The following CSMD1 variants were observed in gnomAD, a reference collection of about 807,000 sequenced individuals.
CSMD1 encodes CUB and sushi domain-containing protein 1.
Under a neutral mutation model 417.5 loss-of-function variants are expected in CSMD1, and 213 were observed. The observed-to-expected ratio is 0.51, with a 90% CI of 0.46 to 0.57. The LOEUF (loss-of-function observed/expected upper bound fraction) is 0.57. CSMD1 is among the 20% of genes least tolerant of loss of function. The pLI is 0.00. For missense variants in CSMD1, 6,923 were observed against 4,529.7 expected, an observed-to-expected ratio of 1.53 and a Z score of -15.17; for synonymous variants, 2,862 against 1,736.8, an observed-to-expected ratio of 1.65 and a Z score of -16.11.
chr8:4,986,032 T>C (rs774282052), intron 1 of CSMD1, among the ~76,000 whole-genome samples: 1 of 152,232 alleles, frequency 6.6e-6, no homozygotes, highest in Admixed American at 6.5e-5. Flanking sequence ...AATGCTCGAC[T>C]ATCCCAGCTG....
intron 3 of CSMD1, among the ~76,000 whole-genome samples, chr8:4,408,221 CTCCT>C (rs577800079): frequency 1.1e-3 from 174 of 152,328 alleles, no homozygotes; most frequent in Non-Finnish European, 1.9e-3. Context: ...CAGGCCATTC[CTCCT>C]TCCTTATTGG....
intron 1 of CSMD1, among the ~76,000 whole-genome samples, chr8:4,690,185 G>A (rs948170051): frequency 6.6e-6 from 1 of 152,160 alleles, no homozygotes; most frequent in Non-Finnish European, 1.5e-5. Context: ...TTATTTACAT[G>A]TCAGTGCAGT....
intron 2 of CSMD1, among the ~76,000 whole-genome samples, chr8:4,459,677 G>A (rs960732468): frequency 6.6e-6 from 1 of 152,172 alleles, no homozygotes; most frequent in Non-Finnish European, 1.5e-5. Flanking sequence ...GCAAAGAAGT[G>A]TGGACATAAG....
At chr8:4,752,690 C>T (rs1334489020) in intron 1 of CSMD1, among the ~76,000 whole-genome samples, 4 of 151,808 alleles carry the variant, frequency 2.6e-5, no homozygotes, top group South Asian at 4.1e-4. Context: ...AATGGGATTG[C>T]TCTACACAGG....
Position 2,974,540 on chromosome 8 carries a change from G to C in CSMD1, c.8651C>G (p.Ser2884Cys), listed in dbSNP as rs548432042. 2 of 1,613,590 alleles carry C rather than the reference G, an allele frequency of 1.2e-6. No homozygotes were observed. The highest frequency in any genetic ancestry group is 1.3e-5 in the African/African-American group (1 of 75,070). Reference protein sequence around the residue: ...LFTYGAVVHYSCRGSESLIGN... With the variant: ...LFTYGAVVHYCCRGSESLIGN... ...TATGAGGCTCTCGCTCCCTCTGCAG[G>C]AGTAGTGCACGACGGCGCCATAGGT... The change falls in exon 56 of 70, where the codon TCC becomes TGC. Residue 2884 changes from serine (S) to cysteine (C), a missense_variant. Ser to Cys is a moderately radical substitution (Grantham distance 112, BLOSUM62 -1). Coordinates refer to ENST00000635120, the MANE Select transcript of CSMD1 (RefSeq NM_033225.6).
At chr8:3,989,088 C>A (rs188268974) in intron 5 of CSMD1, among the ~76,000 whole-genome samples, 1 of 152,156 alleles carries the variant, frequency 6.6e-6, no homozygotes, top group South Asian at 2.1e-4. Flanking sequence ...GGCACTGTTT[C>A]TTACAGCAGT....
chr8:4,700,346 A>C (rs1807445416), intron 1 of CSMD1, among the ~76,000 whole-genome samples: 1 of 151,954 alleles, frequency 6.6e-6, no homozygotes, highest in Admixed American at 6.6e-5. Context: ...TATTTATAAT[A>C]CATATTATAA....
chr8:3,854,909 C>G (rs1038996864), intron 5 of CSMD1, among the ~76,000 whole-genome samples: 5 of 152,246 alleles, frequency 3.3e-5, no homozygotes, highest in African/African-American at 1.2e-4. Context: ...ACTCGCAAAG[C>G]ATTTCTAACA....
At chr8:4,060,396 C>T (rs573647072) in intron 3 of CSMD1, among the ~76,000 whole-genome samples, 1 of 152,162 alleles carries the variant, frequency 6.6e-6, no homozygotes, top group African/African-American at 2.4e-5. Flanking sequence ...GACAGGGATG[C>T]CCTCTCTCAC....
chr8:4,949,809 A>G (rs1332620386), intron 1 of CSMD1, among the ~76,000 whole-genome samples: 2 of 152,228 alleles, frequency 1.3e-5, no homozygotes, highest in African/African-American at 2.4e-5. Context: ...TCGAAGCAAT[A>G]TTGAGCATAT....
chr8:4,933,726 G>A (rs1230613993), intron 1 of CSMD1, among the ~76,000 whole-genome samples: 1 of 152,124 alleles, frequency 6.6e-6, no homozygotes, highest in African/African-American at 2.4e-5. Context: ...TGCACAGATG[G>A]TGGTGAAAAG....
intron 25 of CSMD1, among the ~76,000 whole-genome samples, chr8:3,301,330 G>C (rs74683321): frequency 0.037 from 5,608 of 152,156 alleles, 223 homozygotes; most frequent in East Asian, 0.11. Flanking sequence ...AGGAGAGTTT[G>C]GGAGGCTTCA....
chr8:3,904,824 A>G (rs1242045700), intron 5 of CSMD1, among the ~76,000 whole-genome samples: 1 of 151,846 alleles, frequency 6.6e-6, no homozygotes, highest in African/African-American at 2.4e-5. Context: ...TTTAGTAAAG[A>G]TGGGGTTTTA....
At chr8:3,279,874 C>G (rs1166011139) in intron 26 of CSMD1, among the ~76,000 whole-genome samples, 1 of 152,142 alleles carries the variant, frequency 6.6e-6, no homozygotes, top group Admixed American at 6.5e-5. Flanking sequence ...CCTCATGATC[C>G]AACCACCTCC....
chr8:4,139,662 A>G (rs1299553753), intron 3 of CSMD1, among the ~76,000 whole-genome samples: 1 of 151,176 alleles, frequency 6.6e-6, no homozygotes, highest in Non-Finnish European at 1.5e-5. Context: ...GGGCAAAGGG[A>G]TGCCAAACAG....
At chr8:4,100,595 G>C (rs996754170) in intron 3 of CSMD1, among the ~76,000 whole-genome samples, 1 of 152,104 alleles carries the variant, frequency 6.6e-6, no homozygotes, top group African/African-American at 2.4e-5. Context: ...GGTGGTAAGA[G>C]CTCAAAATAT....
chr8:3,409,066 G>C (rs1364488064), intron 13 of CSMD1, among the ~76,000 whole-genome samples: 1 of 152,086 alleles, frequency 6.6e-6, no homozygotes, highest in East Asian at 1.9e-4. Flanking sequence ...GTGTTTAAGT[G>C]TTATACAGCA....
chr8:3,545,677 C>G (rs763778558), intron 10 of CSMD1, among the ~76,000 whole-genome samples: 1 of 152,126 alleles, frequency 6.6e-6, no homozygotes, highest in Non-Finnish European at 1.5e-5. Context: ...CTGCCTTTGG[C>G]AAAATTGAGG....
chr8:4,178,193 C>T (rs1046444677), intron 3 of CSMD1, among the ~76,000 whole-genome samples: 6 of 152,144 alleles, frequency 3.9e-5, no homozygotes, highest in Non-Finnish European at 7.3e-5. Context: ...ACGATACTGG[C>T]AGACCGAATC....
Sources: gnomAD v4.1 joint callset for allele counts (sites outside exome capture counted in the v4.1 genomes callset) on GRCh38, gnomAD v4.1.1 for gene constraint, MANE v1.5 for transcripts, NCBI Gene and HGNC (gene_info 2026-07-23, HGNC 2026-07-21) for gene names.